The following KMT2E variants were observed in gnomAD, a reference collection of about 807,000 sequenced individuals.
KMT2E encodes histone reader KMT2E.
Under a neutral mutation model 184.6 loss-of-function variants are expected in KMT2E, and 30 were observed. That is an observed-to-expected ratio of 0.16 (90% CI 0.12 to 0.22). The LOEUF (loss-of-function observed/expected upper bound fraction) is 0.22, where lower values mean the gene tolerates loss of function less well. Ranked by LOEUF, KMT2E falls within the 10% of genes least tolerant of loss-of-function variation. The pLI is 1.00. For missense variants in KMT2E, 2,023 were observed against 2,237.4 expected (o/e 0.90, Z 1.93); for synonymous variants, 815 against 776.5 (o/e 1.05, Z -0.82).
chr7:105,093,420 G>A (rs1233769531), intron 15 of KMT2E, among the ~76,000 whole-genome samples: 1 of 151,922 alleles, frequency 6.6e-6, no homozygotes, highest in Non-Finnish European at 1.5e-5. Flanking sequence ...GGTGGCTCAC[G>A]CCTGTAATCC....
chr7:105,085,108 A>G (rs1023867237), intron 13 of KMT2E, among the ~76,000 whole-genome samples: 36 of 152,038 alleles, frequency 2.4e-4, no homozygotes, highest in African/African-American at 8.7e-4. Flanking sequence ...AATTGTTGCA[A>G]ATTTTCAAAC....
At chr7:105,095,224 GAGAT>G (rs1407850892) in intron 15 of KMT2E, among the ~76,000 whole-genome samples, 1 of 152,200 alleles carries the variant, frequency 6.6e-6, no homozygotes, top group African/African-American at 2.4e-5. Context: ...TAGCTGGAGA[GAGAT>G]CAGATTGTCT....
chr7:105,100,463 C>T (rs1798603781), intron 15 of KMT2E, among the ~76,000 whole-genome samples: 1 of 152,166 alleles, frequency 6.6e-6, no homozygotes, highest in Non-Finnish European at 1.5e-5. Flanking sequence ...GGATCTGAGC[C>T]TCAGGACCTG....
At chr7:105,096,756 A>T (rs553195890) in intron 15 of KMT2E, among the ~76,000 whole-genome samples, 4 of 152,330 alleles carry the variant, frequency 2.6e-5, no homozygotes, top group African/African-American at 9.6e-5. Flanking sequence ...CATGAATGTG[A>T]ACTGAATGAA....
At chr7:105,072,988 A>G (rs1002688704) in intron 6 of KMT2E, among the ~76,000 whole-genome samples, 2 of 152,142 alleles carry the variant, frequency 1.3e-5, no homozygotes, top group African/African-American at 2.4e-5. Flanking sequence ...GATTCAATTC[A>G]GTGTCATACA....
chr7:105,084,787 G>A (rs1797895995), intron 13 of KMT2E, among the ~76,000 whole-genome samples: 1 of 152,106 alleles, frequency 6.6e-6, no homozygotes, highest in South Asian at 2.1e-4. Flanking sequence ...AACACTTGAG[G>A]CACCACAATA....
chr7:105,112,590 T>C lies in KMT2E; in HGVS notation c.4834T>C (p.Ser1612Pro), dbSNP rs1799356642. ...HHVTPGHFLP[S>P]QNPTIHHQTA... is the part of the protein sequence containing the mutation. The stretch of plus-strand genomic sequence containing the variant: ...CGTGACTCCAGGGCATTTTTTGCCC[T>C]CTCAGAACCCTACCATTCACCATCA... The change falls in exon 27 of 27, where the codon TCT becomes CCT. Residue 1612 changes from serine (S) to proline (P), a missense_variant. Physicochemically the swap from Ser to Pro is moderately conservative, Grantham distance 74 (BLOSUM62 -1). This residue lies in a region of KMT2E where 1,108 missense variants were observed against 1,050.9 expected (regional missense o/e 1.05). Transcript: ENST00000311117. 1.2e-6 allele frequency: 2 copies of C among 1,613,972 alleles called. No individual in the cohort carries two copies. Among genetic ancestry groups the C allele is most frequent in the Non-Finnish European group, 1.7e-6 (2 of 1,179,994 alleles).
intron 3 of KMT2E, among the ~76,000 whole-genome samples, chr7:105,055,197 GT>G (rs1638248570): frequency 7.1e-6 from 1 of 140,322 alleles, no homozygotes; most frequent in Non-Finnish European, 1.5e-5. Flanking sequence ...TGTGTGTGTG[GT>G]TTTTGTTTTT....
intron 7 of KMT2E, 118 bp downstream of exon 7, chr7:105,073,795 A>T (rs1797425276): frequency 3.1e-6 from 2 of 648,412 alleles, no homozygotes; most frequent in Non-Finnish European, 5.5e-6. Context: ...TTGTTGATGA[A>T]TGTTGATTGT....
chr7:105,062,518 TC>T (rs1469694433), intron 4 of KMT2E, among the ~76,000 whole-genome samples: 2 of 152,160 alleles, frequency 1.3e-5, no homozygotes, highest in Non-Finnish European at 1.5e-5. Flanking sequence ...TTTCTTTACT[TC>T]CTAAAAGAAT....
In KMT2E at chr7:105,063,394, C is replaced by A; in HGVS notation, c.230C>A (p.Ser77Tyr). ...CGTCCTCCTCCGACACCTCCGGCTTCCCCTCCTCCATCAGTCCTTATTAGC... is the reference window on the plus strand; with the variant it reads ...CGTCCTCCTCCGACACCTCCGGCTTACCCTCCTCCATCAGTCCTTATTAGC... ...GARPPPTPPA[S>Y]PPPSVLISKN... The change falls in exon 5 of 27, where the codon TCC becomes TAC. Residue 77 changes from serine to tyrosine, a missense_variant. Ser to Tyr is a moderately radical substitution (Grantham distance 144). Coordinates refer to ENST00000311117, the MANE Select transcript of KMT2E (RefSeq NM_182931.3). 1 of 1,613,296 alleles carries A rather than the reference C, an allele frequency of 6.2e-7. No homozygotes were observed. The highest frequency in any genetic ancestry group is 8.5e-7 in the Non-Finnish European group (1 of 1,179,636).
intron 1 of KMT2E, among the ~76,000 whole-genome samples, chr7:105,016,828 C>T (rs548371025): frequency 1.3e-5 from 2 of 152,270 alleles, no homozygotes; most frequent in African/African-American, 4.8e-5. Context: ...CATATGGTGA[C>T]TGTATCAACT....
rs1357538872 is a variant in KMT2E, at chr7:105,114,613, A to G, written c.*1280A>G. Among the ~76,000 whole-genome samples, 1 of 152,208 alleles carries G rather than the reference A, an allele frequency of 6.6e-6. No individual in the cohort carries two copies. The highest frequency in any genetic ancestry group is 1.5e-5 in the Non-Finnish European group (1 of 68,028). ...GATTCAGTAAGTACATCCAATAATAATGATACTGTTTTATCAATCAACATA... is the reference window on the plus strand; with the variant it reads ...GATTCAGTAAGTACATCCAATAATAGTGATACTGTTTTATCAATCAACATA... On this transcript the variant is annotated 3_prime_UTR_variant, in exon 27 of 27. Coordinates refer to ENST00000311117, the MANE Select transcript of KMT2E (RefSeq NM_182931.3).
Position 105,112,296 on chromosome 7 carries a change from A to G in KMT2E, c.4540A>G (p.Thr1514Ala), listed in dbSNP as rs746208782. ...QNLPANTQQA[T>A]SGTLFTQTPS... ...CCTTCCAGCCAATACTCAGCAGGCA[A>G]CTTCTGGAACATTATTTACACAGAC... The change falls in exon 27 of 27, where the codon ACT (threonine) becomes GCT (alanine). Residue 1514 changes from threonine (T) to alanine (A), a missense_variant. By Grantham distance (58) the Thr-to-Ala change is moderately conservative. Around this residue, in one of 8 missense-constraint regions of KMT2E, gnomAD observed 1,108 missense variants for 1,050.9 expected, o/e 1.05. Transcript: ENST00000311117. The G allele has an allele frequency of 1.3e-5, 21 of 1,613,962 alleles. No individual in the cohort carries two copies. Among genetic ancestry groups the G allele is most frequent in the Non-Finnish European group, 1.8e-5 (21 of 1,180,024 alleles).
At chr7:105,081,842 C>A in intron 13 of KMT2E, 45 bp downstream of exon 13, 1 of 767,056 alleles carries the variant, frequency 1.3e-6, no homozygotes. Flanking sequence ...GAAAATAGTT[C>A]CATAATGTCC....
In KMT2E at chr7:105,106,023, G is replaced by A; in HGVS notation, c.2596+20G>A. Reference sequence around the variant, plus strand: ...TTCCAGGTAGAATTTTTTTTTCAGAGTTTTGGTTTGAGAAATGTGGCAGGG... The same window carrying A: ...TTCCAGGTAGAATTTTTTTTTCAGAATTTTGGTTTGAGAAATGTGGCAGGG... On this transcript the variant is annotated intron_variant, in intron 19 of 26. Transcript: ENST00000311117. The A allele has an allele frequency of 6.3e-7, 1 of 1,596,348 alleles. No individual in the cohort carries two copies. The highest frequency in any genetic ancestry group is 8.5e-7 in the Non-Finnish European group (1 of 1,174,286).
At chr7:105,024,447 C>T (rs1412490516) in intron 1 of KMT2E, among the ~76,000 whole-genome samples, 2 of 152,150 alleles carry the variant, frequency 1.3e-5, no homozygotes, top group Non-Finnish European at 2.9e-5. Context: ...AAAGGAGTAC[C>T]TTAATTGACT....
At chr7:105,062,715 C>T (rs1584745820) in intron 4 of KMT2E, among the ~76,000 whole-genome samples, 1 of 151,696 alleles carries the variant, frequency 6.6e-6, no homozygotes, top group South Asian at 2.1e-4. Context: ...AAAACAACTT[C>T]ATGAGATGTA....
At chr7:105,068,168 A>G (rs564404245) in intron 6 of KMT2E, among the ~76,000 whole-genome samples, 2 of 152,218 alleles carry the variant, frequency 1.3e-5, no homozygotes, top group East Asian at 1.9e-4. Flanking sequence ...GAGTTTTGCC[A>G]GTTGTATTCC....
Sources: gnomAD v4.1 joint callset for allele counts (sites outside exome capture counted in the v4.1 genomes callset) on GRCh38, gnomAD v4.1.1 for gene constraint, gnomAD v4.1.1 regional missense constraint, MANE v1.5 for transcripts, NCBI Gene and HGNC (gene_info 2026-07-23, HGNC 2026-07-21) for gene names.